Variants in PLAUR observed in about 807,000 individuals in gnomAD.
The protein encoded by PLAUR is urokinase plasminogen activator surface receptor.
Under a neutral mutation model 33.4 loss-of-function variants are expected in PLAUR, and 22 were observed. That is an observed-to-expected ratio of 0.66 (90% CI 0.47 to 0.94). The LOEUF is 0.94. PLAUR is among the 40% of genes least tolerant of loss of function. The pLI is 0.00. For missense variants in PLAUR, 408 were observed against 434.7 expected (o/e 0.94, Z 0.55); for synonymous variants, 148 against 167.3 (o/e 0.88, Z 0.89).
chr19:43,647,169 A>G (rs1973838852), downstream of PLAUR, among the ~76,000 whole-genome samples: 1 of 152,220 alleles, frequency 6.6e-6, no homozygotes, highest in African/African-American at 2.4e-5. Flanking sequence ...AATGATGAGA[A>G]GAACATGAAT....
chr19:43,648,855 C>CG lies in PLAUR; in HGVS notation c.*34dup, dbSNP rs1356114720. 5.0e-6 allele frequency: 8 copies of CG among 1,592,020 alleles called. No individual in the cohort carries two copies. Among genetic ancestry groups the CG allele is most frequent in the Non-Finnish European group, 6.9e-6 (8 of 1,165,160 alleles). ...CCGAGGGAAGGGCAAAGGGGTCCCCCGGATCCAGCCAGGGCAGAGAGGGGG... is the reference window on the plus strand; with the variant it reads ...CCGAGGGAAGGGCAAAGGGGTCCCCCGGGATCCAGCCAGGGCAGAGAGGGGG... On this transcript the variant is annotated 3_prime_UTR_variant, in exon 7 of 7. Coordinates refer to ENST00000340093, the MANE Select transcript of PLAUR (RefSeq NM_002659.4).
chr19:43,649,682 A>G (rs1235067788), intron 6 of PLAUR, among the ~76,000 whole-genome samples: 2 of 150,394 alleles, frequency 1.3e-5, no homozygotes, highest in Non-Finnish European at 3.0e-5. Flanking sequence ...AGAAGGAAGG[A>G]AGGGAGGAAG....
chr19:43,649,052 G>C lies in PLAUR; in HGVS notation c.846C>G (p.His282Gln), dbSNP rs200910386. 161 of 1,614,112 alleles carry C rather than the reference G, an allele frequency of 1.0e-4. No individual in the cohort carries two copies. Among genetic ancestry groups the C allele is most frequent in the Non-Finnish European group, 1.3e-4 (158 of 1,180,046 alleles). Residue 282 changes from histidine to glutamine, a missense_variant, in exon 7 of 7, where the codon CAC becomes CAG. By Grantham distance (24) the His-to-Gln change is conservative. Coordinates refer to ENST00000340093, the MANE Select transcript of PLAUR (RefSeq NM_002659.4). ...AHLGDAFSMN[H>Q]IDVSCCTKSG... ...TTTTAGTACAGCAGGAGACATCAAT[G>C]TGGTTCATGCTGAAGGCGTCACCCA...
rs776682121 is a variant in PLAUR at position 43,648,879 on chromosome 19, G to C, written c.*11C>G. ...CCGGATCCAGCCAGGGCAGAGAGGG[G>C]GATTTCAGGTTTAGGTCCAGAGGAG... On this transcript the variant is annotated 3_prime_UTR_variant, in exon 7 of 7. Transcript: ENST00000340093. The C allele has an allele frequency of 1.4e-5, 23 of 1,607,160 alleles. No homozygotes were observed. In the Admixed American group the frequency reaches 2.7e-4, roughly 19 times the overall value.
chr19:43,650,156 C>T (rs1568550760), intron 6 of PLAUR, among the ~76,000 whole-genome samples: 3 of 150,998 alleles, frequency 2.0e-5, no homozygotes, highest in African/African-American at 4.9e-5. Flanking sequence ...GGACTACAGG[C>T]GCGACCACCA....
intron 3 of PLAUR, 188 bp from the exon 4 acceptor site, chr19:43,656,828 A>C: frequency 2.1e-6 from 1 of 484,120 alleles, no homozygotes; most frequent in Non-Finnish European, 3.7e-6. Flanking sequence ...GGACCAGTCC[A>C]GCTCAGACCT....
In PLAUR at chr19:43,669,997, C is replaced by T. The variant is rs115313724; in HGVS notation, c.55+69G>A. The T allele has an allele frequency of 1.2e-3, 1,695 of 1,464,614 alleles. 13 individuals are homozygous for T. The African/African-American group carries it at 0.021, about 18-fold the overall frequency. The allele number at this position is 1,464,614 out of a possible 1,614,324, so 90.7% of individuals were successfully genotyped here. ...CTGAACCGCATTCCTCCAACTCATC[C>T]TCTGACAACCCCCAACCCCCTCAAT... is the stretch of plus-strand genomic sequence containing the variant. On this transcript the variant is annotated intron_variant, in intron 1 of 6. Coordinates refer to ENST00000340093, the MANE Select transcript of PLAUR (RefSeq NM_002659.4).
chr19:43,670,122 T>A lies in PLAUR; in HGVS notation c.-2A>T. 6.2e-7 allele frequency: 1 copy of A among 1,610,088 alleles called. No homozygotes were observed. Among genetic ancestry groups the A allele is most frequent in the Non-Finnish European group, 8.5e-7 (1 of 1,177,782 alleles). ...CGGCAGCAGCGGCGGGTGACCCATG[T>A]CGCGAGGGCAGCTCCTGTGCGCGGG... On this transcript the variant is annotated 5_prime_UTR_variant, in exon 1 of 7. Transcript: ENST00000340093.
chr19:43,655,822 AC>A (rs1974184991), intron 4 of PLAUR, among the ~76,000 whole-genome samples: 1 of 152,180 alleles, frequency 6.6e-6, no homozygotes, highest in African/African-American at 2.4e-5. Context: ...AGAAAGGAGA[AC>A]CCTTACAAAA....
At chr19:43,658,570 G>A (rs1165497875) in intron 3 of PLAUR, among the ~76,000 whole-genome samples, 1 of 152,166 alleles carries the variant, frequency 6.6e-6, no homozygotes, top group East Asian at 1.9e-4. Context: ...ACCTTGTGGT[G>A]TTGGCCAACT....
At chr19:43,656,661 G>A (rs772741231) in intron 3 of PLAUR, 21 bp from the exon 4 acceptor site, 6 of 1,567,504 alleles carry the variant, frequency 3.8e-6, no homozygotes, top group Non-Finnish European at 5.2e-6. Context: ...GAGGGGGAGG[G>A]GAGTGAGACT....
intron 2 of PLAUR, 196 bp downstream of exon 2, chr19:43,667,385 G>C (rs143810563): frequency 3.4e-6 from 2 of 591,194 alleles, no homozygotes; most frequent in Non-Finnish European, 6.1e-6. Context: ...CCACAGACAC[G>C]GTCTGCAACT....
chr19:43,646,788 C>CTTTTTTTTTTTTTTTTTTTTTTTT (rs71169269), downstream of PLAUR, among the ~76,000 whole-genome samples: 1 of 104,844 alleles, frequency 9.5e-6, no homozygotes. Context: ...TGGAAGATGT[C>CTTTTTTTTTTTTTTTTTTTTTTTT]TTTTTTTTTT....
Position 43,652,338 on chromosome 19 carries a change from C to A in PLAUR, c.641G>T (p.Arg214Leu). The A allele has an allele frequency of 1.2e-6, 2 of 1,614,080 alleles. No homozygotes were observed. The highest frequency in any genetic ancestry group is 1.7e-6 in the Non-Finnish European group (2 of 1,179,956). The change falls in exon 6 of 7, where the codon CGC (arginine) becomes CTC (leucine). Residue 214 changes from arginine (R) to leucine (L), a missense_variant. By Grantham distance (102) the Arg-to-Leu change is moderately radical. Transcript: ENST00000340093. ...GTTCCCCTTGCAGCTGTAACACTGG[C>A]GGCCATTCTGCGGCAGATTTTCAAG... ...LELENLPQNG[R>L]QCYSCKGNST...
chr19:43,666,549 C>T (rs1967263098), intron 2 of PLAUR, among the ~76,000 whole-genome samples: 1 of 139,342 alleles, frequency 7.2e-6, no homozygotes, highest in African/African-American at 2.6e-5. Context: ...CTCTTTCTCT[C>T]TCTCTCTCTT....
At chr19:43,660,475 GTT>G (rs34200864) in intron 3 of PLAUR, 11 of 143,746 alleles carry the variant, frequency 7.7e-5, no homozygotes, top group Non-Finnish European at 1.4e-4. Flanking sequence ...GCCCGGCCTG[GTT>G]TTTTTTTTTT....
intron 5 of PLAUR, among the ~76,000 whole-genome samples, chr19:43,653,272 G>T (rs1438252476): frequency 6.6e-6 from 1 of 152,212 alleles, no homozygotes; most frequent in African/African-American, 2.4e-5. Flanking sequence ...TATTGGACAG[G>T]ACAGATAGGG....
rs560176627 is a variant in PLAUR, at chr19:43,659,899, A to G, written c.311-3259T>C. Among the ~76,000 whole-genome samples the G allele has an allele frequency of 1.1e-4, 17 of 152,284 alleles. No homozygotes were observed. In the South Asian group the frequency reaches 2.9e-3, roughly 26 times the overall value. ...TCTATATTTTCTGTTGGACTCTTTTAAAAAATGGATTCCAGGTGCTAAAAC... is the reference window on the plus strand; with the variant it reads ...TCTATATTTTCTGTTGGACTCTTTTGAAAAATGGATTCCAGGTGCTAAAAC... On this transcript the variant is annotated intron_variant, in intron 3 of 6. Transcript: ENST00000340093.
At chr19:43,663,463 C>CA (rs1967093713) in intron 3 of PLAUR, among the ~76,000 whole-genome samples, 2 of 151,756 alleles carry the variant, frequency 1.3e-5, no homozygotes, top group Admixed American at 1.3e-4. Context: ...TGCAAGTTGC[C>CA]ACAAGCAGGG....
Sources: gnomAD v4.1 joint callset for allele counts (sites outside exome capture counted in the v4.1 genomes callset) on GRCh38, gnomAD v4.1.1 for gene constraint, MANE v1.5 for transcripts, NCBI Gene and HGNC (gene_info 2026-07-23, HGNC 2026-07-21) for gene names.